Variants in USP18 observed in about 807,000 individuals in gnomAD.
USP18 encodes the protein ubl carboxyl-terminal hydrolase 18.
In USP18, 11 loss-of-function variants were observed where a neutral mutation model predicts 48.7. The ratio of observed to expected loss-of-function variants is 0.23; its 90% CI spans 0.14 to 0.37. USP18 has a LOEUF of 0.37. Among genes scored for constraint, USP18 ranks in the 10% least tolerant of loss-of-function variants. The probability of loss-of-function intolerance (pLI) is 1.00; values close to 1 mark genes in which losing one functional copy is unlikely to be tolerated. For synonymous variants in USP18, 114 were observed against 163.2 expected, an observed-to-expected ratio of 0.70 and a Z score of 2.30; for missense variants, 285 against 436.4, an observed-to-expected ratio of 0.65 and a Z score of 3.09.
At chr22:18,154,414 G>A (rs1230851370) in intron 1 of USP18, among the ~76,000 whole-genome samples, 2 of 152,068 alleles carry the variant, frequency 1.3e-5, no homozygotes, top group African/African-American at 2.4e-5. Context: ...AAGAAATAGT[G>A]CTTCGATGTT....
Position 18,157,539 on chromosome 22 carries a change from C to T in USP18, c.-106-19C>T, listed in dbSNP as rs578108556. On this transcript the variant is annotated intron_variant, in intron 1 of 10. Coordinates refer to ENST00000215794, the MANE Select transcript of USP18 (RefSeq NM_017414.4). ...TCCTCCTTCTCTAATTCTTGCCTAC[C>T]CGCATTGTATTTTCACAGAGATTCC... is the stretch of plus-strand genomic sequence containing the variant. The T allele has an allele frequency of 7.8e-7, 1 of 1,277,774 alleles. No homozygotes were observed. Among genetic ancestry groups the T allele is most frequent in the Admixed American group, 2.1e-5 (1 of 48,290 alleles). The allele number at this position is 1,277,774 out of a possible 1,614,324, so 79.2% of individuals were successfully genotyped here. A position where few individuals can be genotyped will look rare whatever the true frequency, so the allele number is the denominator to read the frequency against.
At position 18,157,587 on chromosome 22, in the gene USP18, G is replaced by A. The variant is rs752672268; in HGVS notation, c.-77G>A. 7.0e-6 allele frequency: 11 copies of A among 1,580,568 alleles called. No individual in the cohort carries two copies. The highest frequency in any genetic ancestry group is 8.6e-6 in the Non-Finnish European group (10 of 1,160,170). Reference sequence around the variant, plus strand: ...TCCATCGTGCCTGGCTCACATAAGCGCTTCCTGGAAGTGAAGTCGTGCTGT... The same window carrying A: ...TCCATCGTGCCTGGCTCACATAAGCACTTCCTGGAAGTGAAGTCGTGCTGT... On this transcript the variant is annotated 5_prime_UTR_variant, in exon 2 of 11. Transcript: ENST00000215794.
intron 1 of USP18, among the ~76,000 whole-genome samples, chr22:18,156,546 C>T (rs553843021): frequency 1.3e-5 from 2 of 151,978 alleles, no homozygotes; most frequent in African/African-American, 4.8e-5. Flanking sequence ...CAACTCCAGA[C>T]GCGCTGCCTT....
intron 1 of USP18, among the ~76,000 whole-genome samples, chr22:18,155,877 A>G (rs1380418430): frequency 6.6e-6 from 1 of 152,208 alleles, no homozygotes; most frequent in Non-Finnish European, 1.5e-5. Context: ...GTGCGGGCGC[A>G]CGGCGCGGGA....
At chr22:18,169,211 A>G (rs1413790733) in intron 6 of USP18, among the ~76,000 whole-genome samples, 1 of 152,042 alleles carries the variant, frequency 6.6e-6, no homozygotes, top group Non-Finnish European at 1.5e-5. Context: ...TTTCTCGTGA[A>G]TGGTTTGGCA....
At chr22:18,154,373 A>T (rs1444011014) in intron 1 of USP18, among the ~76,000 whole-genome samples, 1 of 152,168 alleles carries the variant, frequency 6.6e-6, no homozygotes, top group African/African-American at 2.4e-5. Flanking sequence ...GATAAATAAG[A>T]CAGTACATAT....
chr22:18,168,421 G>A (rs1929540448), intron 6 of USP18, among the ~76,000 whole-genome samples: 1 of 150,496 alleles, frequency 6.6e-6, no homozygotes, highest in Non-Finnish European at 1.5e-5. Context: ...TTTGGAGACA[G>A]AGTCTTCCTC....
In USP18 at chr22:18,172,347, C is replaced by T. The variant is rs2543693; in HGVS notation, c.892-803C>T. On this transcript the variant is annotated intron_variant, in intron 8 of 10. Coordinates refer to ENST00000215794, the MANE Select transcript of USP18 (RefSeq NM_017414.4). ...TATGTATCCCTAAAGAATAAGCACTCAAAAGATAATCATCTCCATCTTGCA... is the reference window on the plus strand; with the variant it reads ...TATGTATCCCTAAAGAATAAGCACTTAAAAGATAATCATCTCCATCTTGCA... Among the ~76,000 whole-genome samples, 215 of 151,984 alleles carry T rather than the reference C, an allele frequency of 1.4e-3. 1 individual carries two copies. The South Asian group carries it at 0.016, about 11-fold the overall frequency.
chr22:18,162,462 C>G (rs961352512), intron 4 of USP18, among the ~76,000 whole-genome samples: 24 of 150,182 alleles, frequency 1.6e-4, no homozygotes, highest in African/African-American at 5.4e-4. Context: ...CCTACACTTA[C>G]GGGTTTTCCC....
At chr22:18,163,691 T>TC (rs1360982561) in intron 4 of USP18, among the ~76,000 whole-genome samples, 3 of 152,006 alleles carry the variant, frequency 2.0e-5, no homozygotes, top group African/African-American at 7.2e-5. Flanking sequence ...AAAATACCTC[T>TC]CCCAGTCTTG....
intron 7 of USP18, among the ~76,000 whole-genome samples, chr22:18,170,237 G>A (rs543643599): frequency 7.7e-4 from 117 of 151,684 alleles, no homozygotes; most frequent in African/African-American, 2.6e-3. Context: ...GTGCTGTTCA[G>A]GGGTCATCTG....
At chr22:18,155,600 G>T (rs149548709) in intron 1 of USP18, among the ~76,000 whole-genome samples, 48 of 152,288 alleles carry the variant, frequency 3.2e-4, no homozygotes, top group African/African-American at 1.1e-3. Context: ...GCGTGGGCTC[G>T]GCGGGCCCGC....
At position 18,167,284 on chromosome 22, in the gene USP18, T is replaced by C. The variant is rs1929500003; in HGVS notation, c.430T>C (p.Tyr144His). ...TGTCCAACATGATGCTGCCCAACTG[T>C]ACCTCAAACTCTGGAACCTGATTAA... ...LFVQHDAAQL[Y>H]LKLWNLIKDQ... The change falls in exon 5 of 11, where the codon TAC (tyrosine) becomes CAC (histidine). Residue 144 changes from tyrosine to histidine, a missense_variant. Coordinates refer to ENST00000215794, the MANE Select transcript of USP18 (RefSeq NM_017414.4). The C allele has an allele frequency of 6.2e-7, 1 of 1,613,724 alleles. No individual in the cohort carries two copies. Among genetic ancestry groups the C allele is most frequent in the Admixed American group, 1.7e-5 (1 of 59,978 alleles).
chr22:18,160,068 C>T (rs1056268442), intron 2 of USP18, 104 bp from the exon 3 acceptor site: 1 of 1,095,396 alleles, frequency 9.1e-7, no homozygotes, highest in Non-Finnish European at 1.4e-6. Context: ...CCCACCTCGG[C>T]CTCCCAAAGT....
At chr22:18,152,957 C>G (rs1355153105) in intron 1 of USP18, among the ~76,000 whole-genome samples, 1 of 152,122 alleles carries the variant, frequency 6.6e-6, no homozygotes, top group Non-Finnish European at 1.5e-5. Flanking sequence ...ATCAGCTTTC[C>G]CTCAATGATG....
chr22:18,164,328 C>T (rs1240998679), intron 4 of USP18, among the ~76,000 whole-genome samples: 1 of 151,834 alleles, frequency 6.6e-6, no homozygotes, highest in Non-Finnish European at 1.5e-5. Flanking sequence ...TCACGCTGCA[C>T]TGGGCCTGGG....
intron 7 of USP18, among the ~76,000 whole-genome samples, chr22:18,170,145 T>C (rs1236096828): frequency 1.3e-5 from 2 of 151,208 alleles, no homozygotes; most frequent in East Asian, 1.9e-4. Context: ...GTTGCAGATG[T>C]GGAACTCGTG....
chr22:18,159,247 G>A (rs1197217817), intron 2 of USP18, among the ~76,000 whole-genome samples: 2 of 151,964 alleles, frequency 1.3e-5, no homozygotes, highest in Non-Finnish European at 2.9e-5. Flanking sequence ...GTAAATATGA[G>A]GTTTTACCAT....
chr22:18,159,209 C>T (rs1379063383), intron 2 of USP18, among the ~76,000 whole-genome samples: 2 of 151,474 alleles, frequency 1.3e-5, no homozygotes, highest in Non-Finnish European at 2.9e-5. Context: ...GCATGCACCA[C>T]CACACCCGGC....
Sources: gnomAD v4.1 joint callset for allele counts (sites outside exome capture counted in the v4.1 genomes callset) on GRCh38, gnomAD v4.1.1 for gene constraint, MANE v1.5 for transcripts, NCBI Gene and HGNC (gene_info 2026-07-23, HGNC 2026-07-21) for gene names.